RHOT2: variants seen among roughly 807,000 people sequenced by gnomAD.
RHOT2 encodes the protein ras homolog family member T2, also known as mitochondrial Rho GTPase 2.
A neutral mutation model predicts 81.6 loss-of-function variants in RHOT2; 90 were observed. The ratio of observed to expected loss-of-function variants is 1.10; its 90% CI spans 0.93 to 1.31. The LOEUF (loss-of-function observed/expected upper bound fraction) is 1.31, where lower values mean the gene tolerates loss of function less well. RHOT2 is among the 40% of genes most tolerant of loss of function. RHOT2 has a pLI of 0.00. For synonymous variants in RHOT2, 512 were observed against 370.9 expected (o/e 1.38, Z -4.37); for missense variants, 1,014 against 841.9 (o/e 1.20, Z -2.53).
Position 672,378 on chromosome 16 carries a change from C to G in RHOT2, c.1320C>G (p.Gly440=), listed in dbSNP as rs781286631. 9 of 1,609,812 alleles carry G rather than the reference C, an allele frequency of 5.6e-6. No individual in the cohort carries two copies. The highest frequency in any genetic ancestry group is 3.3e-4 in the Middle Eastern group (2 of 6,050). Reference sequence around the variant, plus strand: ...TCCTGCAGGCCTTTCTCGGCCGCGGCCTGGGGGTAAGCACCCTAGACTCCC... The same window carrying G: ...TCCTGCAGGCCTTTCTCGGCCGCGGGCTGGGGGTAAGCACCCTAGACTCCC... ...SAFLQAFLGR[G]LGHQDTREQP... The change falls in exon 15 of 19, where the codon GGC becomes GGG. Residue 440 remains glycine, a synonymous_variant. Coordinates refer to ENST00000315082, the MANE Select transcript of RHOT2 (RefSeq NM_138769.3).
intron 4 of RHOT2, 192 bp downstream of exon 4, chr16:668,891 C>T: frequency 3.6e-6 from 2 of 563,274 alleles, no homozygotes; most frequent in South Asian, 5.0e-5. Context: ...TCCAGTGGTG[C>T]TCCAGGGATA....
chr16:669,764 A>T, intron 5 of RHOT2, 158 bp downstream of exon 5: 1 of 725,880 alleles, frequency 1.4e-6, no homozygotes, highest in Non-Finnish European at 2.4e-6. Flanking sequence ...CTCTCCTGTG[A>T]TCCCACTTCC....
chr16:670,207 C>A (rs765364863), intron 6 of RHOT2, 32 bp downstream of exon 6: 1 of 1,611,348 alleles, frequency 6.2e-7, no homozygotes, highest in East Asian at 2.2e-5. Context: ...GGCTGGGACC[C>A]CTGGCTCCCC....
chr16:673,083 G>A lies in RHOT2; in HGVS notation c.1683G>A (p.Glu561=). ...CGTTCTCCTGTGCTGGCCCAGCCGA[G>A]CCCAGCACCACCATCTTCACCCAGC... ...PVPFSCAGPA[E]PSTTIFTQLA... is the part of the protein sequence containing the mutation. The change falls in exon 18 of 19, where the codon GAG becomes GAA. Residue 561 remains glutamate (E), a synonymous_variant. Coordinates refer to ENST00000315082, the MANE Select transcript of RHOT2 (RefSeq NM_138769.3). 1.2e-6 allele frequency: 2 copies of A among 1,611,702 alleles called. No individual in the cohort carries two copies. Among genetic ancestry groups the A allele is most frequent in the Admixed American group, 1.7e-5 (1 of 60,020 alleles).
At chr16:673,316 C>A in intron 18 of RHOT2, 164 bp from the exon 19 acceptor site, 2 of 1,245,846 alleles carry the variant, frequency 1.6e-6, no homozygotes, top group Non-Finnish European at 1.1e-6. Context: ...CAGAGGGAGG[C>A]AGTGCCCAGG....
chr16:673,323 C>A, intron 18 of RHOT2, 157 bp from the exon 19 acceptor site: 1 of 1,280,370 alleles, frequency 7.8e-7, no homozygotes, highest in Non-Finnish European at 1.1e-6. Flanking sequence ...AGGCAGTGCC[C>A]AGGCATGTCC....
intron 13 of RHOT2, 28 bp downstream of exon 13, chr16:672,030 T>G: frequency 6.2e-7 from 1 of 1,611,900 alleles, no homozygotes; most frequent in Non-Finnish European, 8.5e-7. Flanking sequence ...CATGCCCGCC[T>G]GCCGCACCAC....
In RHOT2 at chr16:668,537, A is replaced by T; in HGVS notation, c.146A>T (p.Glu49Val). 6.2e-7 allele frequency: 1 copy of T among 1,610,002 alleles called. No individual in the cohort carries two copies. The highest frequency in any genetic ancestry group is 8.5e-7 in the Non-Finnish European group (1 of 1,178,920). ...ACCATCCCCGCGGACGTCACCCCGG[A>T]GAAGGTGCCCACCCACATCGTGGAC... is the stretch of plus-strand genomic sequence containing the variant. ...EITIPADVTPEKVPTHIVDYS... is the reference protein window; with the variant it reads ...EITIPADVTPVKVPTHIVDYS... Residue 49 changes from glutamate (E) to valine (V), a missense_variant, in exon 3 of 19, where the codon GAG (glutamate) becomes GTG (valine). Coordinates refer to ENST00000315082, the MANE Select transcript of RHOT2 (RefSeq NM_138769.3).
At position 671,997 on chromosome 16, in the gene RHOT2, G is replaced by A. The variant is rs1302672003; in HGVS notation, c.1092G>A (p.Gln364=). ...GRLPLHGYLC[Q]WTLVTYLDVR... is the part of the protein sequence containing the mutation. ...TGCCCCTGCACGGATACCTCTGCCA[G>A]TGGACGTAAGTGCGGCCCACACCAT... The change falls in exon 13 of 19, where the codon CAG becomes CAA. Residue 364 remains glutamine, a synonymous_variant. Coordinates refer to ENST00000315082, the MANE Select transcript of RHOT2 (RefSeq NM_138769.3). 2 of 1,611,848 alleles carry A rather than the reference G, an allele frequency of 1.2e-6. No homozygotes were observed. Among genetic ancestry groups the A allele is most frequent in the Non-Finnish European group, 1.7e-6 (2 of 1,179,580 alleles).
rs1283980994 is a variant in RHOT2, at chr16:673,519, G to C, written c.1770G>C (p.Trp590Cys). 1.2e-6 allele frequency: 2 copies of C among 1,612,532 alleles called. No individual in the cohort carries two copies. The highest frequency in any genetic ancestry group is 2.7e-5 in the African/African-American group (2 of 74,932). The change falls in exon 19 of 19, where the codon TGG (tryptophan) becomes TGC (cysteine). Residue 590 changes from tryptophan to cysteine, a missense_variant. Trp to Cys is a radical substitution (Grantham distance 215). Transcript: ENST00000315082. ...VHAELHPSSFWLRGLLGVVGA... is the reference protein window; with the variant it reads ...VHAELHPSSFCLRGLLGVVGA... Reference sequence around the variant, plus strand: ...CAGAGCTGCATCCCTCTTCCTTCTGGCTCCGGGGGCTGCTGGGGGTTGTCG... The same window carrying C: ...CAGAGCTGCATCCCTCTTCCTTCTGCCTCCGGGGGCTGCTGGGGGTTGTCG...
intron 6 of RHOT2, 27 bp from the exon 7 acceptor site, chr16:670,222 C>G (rs752081448): frequency 6.2e-6 from 10 of 1,611,962 alleles, no homozygotes; most frequent in Non-Finnish European, 8.5e-6. Context: ...CTCCCCTGCC[C>G]CTGGTGACCA....
At chr16:668,805 G>T in intron 4 of RHOT2, 106 bp downstream of exon 4, 1 of 1,262,122 alleles carries the variant, frequency 7.9e-7, no homozygotes, top group Non-Finnish European at 1.1e-6. Context: ...CCTTGGCCCT[G>T]ATAATTCTGT....
rs2038281494 is a variant in RHOT2 at position 668,414 on chromosome 16, A to T, written c.96+3A>T. The T allele has an allele frequency of 6.6e-7, 1 of 1,519,366 alleles. No individual in the cohort carries two copies. The highest frequency in any genetic ancestry group is 8.8e-7 in the Non-Finnish European group (1 of 1,139,052). The allele number at this position is 1,519,366 out of a possible 1,614,324, so 94.1% of individuals were successfully genotyped here. ...TGGGCGAGGAGTTCCCCGAGGAGGT[A>T]AGGGGCACGCCCGCCGCGGGGGTGG... On this transcript the variant is annotated splice_donor_region_variant and intron_variant, in intron 2 of 18. Coordinates refer to ENST00000315082, the MANE Select transcript of RHOT2 (RefSeq NM_138769.3).
intron 5 of RHOT2, 142 bp from the exon 6 acceptor site, chr16:669,981 A>G: frequency 5.5e-6 from 4 of 726,528 alleles, no homozygotes; most frequent in Non-Finnish European, 6.6e-6. Flanking sequence ...TTCTCCCACC[A>G]GCTTTGTTCC....
In RHOT2 at chr16:671,169, G is replaced by T. The variant is rs894402555; in HGVS notation, c.835G>T (p.Ala279Ser). 7.0e-6 allele frequency: 11 copies of T among 1,582,240 alleles called. No individual in the cohort carries two copies. Among genetic ancestry groups the T allele is most frequent in the Admixed American group, 1.8e-5 (1 of 56,336 alleles). ...TILRRFGYSD[A>S]LELTADYLSP... Reference sequence around the variant, plus strand: ...CCTGCGGCGCTTCGGCTACAGCGATGCCCTGGAGCTGACTGCGGACTATCT... The same window carrying T: ...CCTGCGGCGCTTCGGCTACAGCGATTCCCTGGAGCTGACTGCGGACTATCT... Residue 279 changes from alanine (A) to serine (S), a missense_variant, in exon 11 of 19, where the codon GCC (alanine) becomes TCC (serine). Ala to Ser is a moderately conservative substitution (Grantham distance 99, BLOSUM62 1). Coordinates refer to ENST00000315082, the MANE Select transcript of RHOT2 (RefSeq NM_138769.3).
rs1323715336 is a variant in RHOT2 at position 670,137 on chromosome 16, G to A, written c.291G>A (p.Trp97Ter). ...EATIEKIRTK[W>*]IPLVNGGTTQ... Reference sequence around the variant, plus strand: ...TTGCTTTTCAGATTCGAACTAAGTGGATCCCACTGGTGAATGGGGGGACCA... The same window carrying A: ...TTGCTTTTCAGATTCGAACTAAGTGAATCCCACTGGTGAATGGGGGGACCA... Residue 97 changes from tryptophan (W) to a stop codon, truncating the protein, a stop_gained, in exon 6 of 19, where the codon TGG becomes TGA. Coordinates refer to ENST00000315082, the MANE Select transcript of RHOT2 (RefSeq NM_138769.3). LOFTEE classifies it high-confidence loss of function. 1.3e-6 allele frequency: 2 copies of A among 1,579,188 alleles called. No homozygotes were observed. The highest frequency in any genetic ancestry group is 2.7e-5 in the African/African-American group (2 of 73,050).
At position 668,650 on chromosome 16, in the gene RHOT2, C is replaced by T. The variant is rs760657267; in HGVS notation, c.179-6C>T. The stretch of plus-strand genomic sequence containing the variant: ...GGTCCGCAGTGGAGTCTCTTTGTCC[C>T]CCTAGAAGCCGAGCAGACGGACGAG... On this transcript the variant is annotated splice_region_variant and splice_polypyrimidine_tract_variant and intron_variant, in intron 3 of 18. Transcript: ENST00000315082. 4.4e-6 allele frequency: 7 copies of T among 1,606,946 alleles called. No individual in the cohort carries two copies. Among genetic ancestry groups the T allele is most frequent in the Middle Eastern group, 1.7e-4 (1 of 6,034 alleles).
At chr16:671,323 A>G in intron 11 of RHOT2, 120 bp downstream of exon 11, 2 of 1,322,632 alleles carry the variant, frequency 1.5e-6, no homozygotes, top group Non-Finnish European at 2.0e-6. Context: ...AGGGTCAGTG[A>G]AGGTCTCGCT....
In RHOT2 at chr16:672,937, A is replaced by G. The variant is rs1393468501; in HGVS notation, c.1537A>G (p.Met513Val). ...HCASVYKHHYMDGQTPCLFVS... is the reference protein window; with the variant it reads ...HCASVYKHHYVDGQTPCLFVS... ...CACTCTCTGCCCACAGCACCATTAC[A>G]TGGACGGGCAGACCCCCTGCCTCTT... Residue 513 changes from methionine (M) to valine (V), a missense_variant, in exon 18 of 19, where the codon ATG (methionine) becomes GTG (valine). Transcript: ENST00000315082. 6.2e-6 allele frequency: 10 copies of G among 1,612,682 alleles called. No homozygotes were observed. The highest frequency in any genetic ancestry group is 1.7e-5 in the Admixed American group (1 of 60,016).
Sources: allele counts gnomAD v4.1 joint callset, GRCh38; gene constraint gnomAD v4.1.1; transcripts MANE v1.5; gene names NCBI Gene and HGNC (gene_info 2026-07-23, HGNC 2026-07-21).